GMDS: variants seen among roughly 807,000 people sequenced by gnomAD.
GMDS encodes GDP-mannose 4,6 dehydratase.
Under a neutral mutation model 49.9 loss-of-function variants are expected in GMDS, and 20 were observed. The ratio of observed to expected loss-of-function variants is 0.40; its 90% CI spans 0.28 to 0.58. The LOEUF is 0.58. Among genes scored for constraint, GMDS ranks in the 20% least tolerant of loss-of-function variants. The pLI is 0.42. For missense variants in GMDS, 362 were observed against 481.4 expected, an observed-to-expected ratio of 0.75 and a Z score of 2.32; for synonymous variants, 177 against 178.6, an observed-to-expected ratio of 0.99 and a Z score of 0.07.
chr6:1,858,202 T>C (rs1486020950), intron 7 of GMDS, among the ~76,000 whole-genome samples: 1 of 152,102 alleles, frequency 6.6e-6, no homozygotes, highest in South Asian at 2.1e-4. Flanking sequence ...ATGTAAAACC[T>C]AAAAATAATA....
chr6:2,172,214 A>G (rs1778047567), intron 1 of GMDS, among the ~76,000 whole-genome samples: 2 of 152,206 alleles, frequency 1.3e-5, no homozygotes, highest in South Asian at 4.1e-4. Flanking sequence ...AGGAGAAAAA[A>G]TGAGATACTA....
intron 7 of GMDS, among the ~76,000 whole-genome samples, 176 bp downstream of exon 7, chr6:1,929,927 C>A (rs528277284): frequency 6.6e-6 from 1 of 152,316 alleles, no homozygotes; most frequent in South Asian, 2.1e-4. Flanking sequence ...TACGTCTGAA[C>A]CACCAATCCC....
intron 9 of GMDS, among the ~76,000 whole-genome samples, chr6:1,630,398 T>C (rs995673516): frequency 3.3e-5 from 5 of 152,198 alleles, no homozygotes; most frequent in African/African-American, 9.6e-5. Context: ...CGCCTGCCCA[T>C]TGGCTGCCTG....
chr6:2,209,570 TACACAC>T (rs61216869), intron 1 of GMDS, among the ~76,000 whole-genome samples: 2,316 of 135,978 alleles, frequency 0.017, 57 homozygotes, highest in African/African-American at 0.054. Context: ...CACATACACA[TACACAC>T]ACACACACAC....
chr6:2,235,837 A>T, intron 1 of GMDS, among the ~76,000 whole-genome samples: 1 of 151,852 alleles, frequency 6.6e-6, no homozygotes, highest in Admixed American at 6.6e-5. Context: ...ATAAGAAAAA[A>T]AAAAAAAGAG....
At chr6:2,108,708 G>A (rs1774377728) in intron 4 of GMDS, among the ~76,000 whole-genome samples, 1 of 152,106 alleles carries the variant, frequency 6.6e-6, no homozygotes, top group Non-Finnish European at 1.5e-5. Flanking sequence ...AGAGTCCTGC[G>A]GTATCTTCCC....
chr6:1,789,532 CTTTTT>C (rs59996305), intron 7 of GMDS, among the ~76,000 whole-genome samples: 1 of 141,272 alleles, frequency 7.1e-6, no homozygotes, highest in Non-Finnish European at 1.6e-5. Flanking sequence ...TTTCTTTTTT[CTTTTT>C]TTTTTTTTTT....
At chr6:1,742,187 T>A (rs1767300641) in intron 8 of GMDS, among the ~76,000 whole-genome samples, 1 of 152,068 alleles carries the variant, frequency 6.6e-6, no homozygotes. Context: ...CCCAAAGTGC[T>A]GGGATTACAG....
chr6:1,670,760 T>A (rs1764395567), intron 9 of GMDS, among the ~76,000 whole-genome samples: 1 of 152,184 alleles, frequency 6.6e-6, no homozygotes. Context: ...TACTTTTAGT[T>A]TTCATTCTGC....
chr6:2,214,363 A>T (rs1490638907), intron 1 of GMDS, among the ~76,000 whole-genome samples: 1 of 152,160 alleles, frequency 6.6e-6, no homozygotes, highest in Non-Finnish European at 1.5e-5. Flanking sequence ...CCAACTGCAG[A>T]TCAAAAATAT....
At chr6:2,192,961 T>G (rs1779110918) in intron 1 of GMDS, among the ~76,000 whole-genome samples, 1 of 152,218 alleles carries the variant, frequency 6.6e-6, no homozygotes, top group African/African-American at 2.4e-5. Flanking sequence ...CCTGTAACAC[T>G]ATTTCCAGAA....
At chr6:1,899,472 T>C (rs1001454270) in intron 7 of GMDS, among the ~76,000 whole-genome samples, 8 of 152,200 alleles carry the variant, frequency 5.3e-5, no homozygotes, top group African/African-American at 1.7e-4. Context: ...AGGTGACCCA[T>C]GGAACTTTTT....
chr6:1,782,694 TA>T (rs1253219769), intron 7 of GMDS, among the ~76,000 whole-genome samples: 1 of 152,240 alleles, frequency 6.6e-6, no homozygotes, highest in African/African-American at 2.4e-5. Context: ...TAGGAAGGAA[TA>T]AGTACGGGTG....
chr6:2,069,442 C>G (rs1381978022), intron 4 of GMDS, among the ~76,000 whole-genome samples: 1 of 152,058 alleles, frequency 6.6e-6, no homozygotes, highest in East Asian at 1.9e-4. Flanking sequence ...TAAAGAGCTT[C>G]TGCACAGCAA....
intron 4 of GMDS, among the ~76,000 whole-genome samples, chr6:2,041,628 G>A (rs992853766): frequency 6.6e-6 from 1 of 152,196 alleles, no homozygotes; most frequent in African/African-American, 2.4e-5. Flanking sequence ...GAGGTGGGGA[G>A]CAGGCTGAGG....
rs574129948 is a variant in GMDS, at chr6:2,154,776, G to A, written c.103-30045C>T. ...ATTTTTCAAAGTTTTTATCACTAACGACCTGAACTTTTGGCCAGACCCAAC... is the reference window on the plus strand; with the variant it reads ...ATTTTTCAAAGTTTTTATCACTAACAACCTGAACTTTTGGCCAGACCCAAC... On this transcript the variant is annotated intron_variant, in intron 1 of 10. Transcript: ENST00000380815. Among the ~76,000 whole-genome samples the A allele has an allele frequency of 6.2e-3, 882 of 141,228 alleles. 1 individual carries two copies. The highest frequency in any genetic ancestry group is 0.02 in the Middle Eastern group (5 of 250). The allele number at this position is 141,228 out of a possible 152,430, so 92.7% of individuals were successfully genotyped here. A position where few individuals can be genotyped will look rare whatever the true frequency, so the allele number is the denominator to read the frequency against.
chr6:1,789,513 T>A (rs1350413231), intron 7 of GMDS, among the ~76,000 whole-genome samples: 1 of 145,032 alleles, frequency 6.9e-6, no homozygotes, highest in South Asian at 2.2e-4. Flanking sequence ...CAAAAAATTA[T>A]TTTTTCTTTT....
At chr6:1,641,704 TTCTCTC>T (rs67714741) in intron 9 of GMDS, among the ~76,000 whole-genome samples, 4,970 of 147,946 alleles carry the variant, frequency 0.034, 214 homozygotes, top group African/African-American at 0.11. Context: ...CTCGGATGAT[TTCTCTC>T]TCTCTCTCTC....
intron 9 of GMDS, among the ~76,000 whole-genome samples, chr6:1,644,912 G>A (rs945231220): frequency 3.3e-5 from 5 of 151,220 alleles, no homozygotes; most frequent in African/African-American, 7.3e-5. Flanking sequence ...GTATCAGGAT[G>A]AGATTCAGAC....
Sources: allele counts gnomAD v4.1 joint callset (sites outside exome capture counted in the v4.1 genomes callset), GRCh38; gene constraint gnomAD v4.1.1; transcripts MANE v1.5; gene names NCBI Gene and HGNC (gene_info 2026-07-23, HGNC 2026-07-21).